Variants in APBA1 observed in about 807,000 individuals in gnomAD.
The protein encoded by APBA1 is amyloid beta precursor protein binding family A member 1.
In APBA1, 55 loss-of-function variants were observed where a neutral mutation model predicts 86.6. The ratio of observed to expected loss-of-function variants is 0.64; its 90% CI spans 0.51 to 0.80. The LOEUF (loss-of-function observed/expected upper bound fraction) is 0.80. Ranked by LOEUF, APBA1 falls within the 30% of genes least tolerant of loss-of-function variation. APBA1 has a pLI of 0.00. For synonymous variants in APBA1, 511 were observed against 493.9 expected (o/e 1.03, Z -0.46); for missense variants, 1,090 against 1,183.0 (o/e 0.92, Z 1.15).
At chr9:69,468,503 T>C (rs1051917371) in intron 4 of APBA1, among the ~76,000 whole-genome samples, 1 of 152,232 alleles carries the variant, frequency 6.6e-6, no homozygotes, top group African/African-American at 2.4e-5. Flanking sequence ...AAAAATAGGA[T>C]ATCTGTTTCA....
intron 2 of APBA1, among the ~76,000 whole-genome samples, chr9:69,497,221 T>G (rs960914520): frequency 1.3e-5 from 2 of 151,684 alleles, no homozygotes; most frequent in Admixed American, 1.3e-4. Context: ...GATGGAAAAC[T>G]CCCCCAGCAG....
chr9:69,527,118 T>G (rs948094429), intron 1 of APBA1, among the ~76,000 whole-genome samples: 9 of 152,062 alleles, frequency 5.9e-5, no homozygotes, highest in African/African-American at 2.2e-4. Flanking sequence ...GAAAAATTAC[T>G]GGGTACTATG....
At chr9:69,433,806 G>A (rs568478017) in intron 11 of APBA1, among the ~76,000 whole-genome samples, 2 of 144,668 alleles carry the variant, frequency 1.4e-5, no homozygotes, top group Admixed American at 7.0e-5. Flanking sequence ...AATTACCTAG[G>A]ACTTTTTTTT....
intron 1 of APBA1, among the ~76,000 whole-genome samples, chr9:69,628,458 C>T (rs1241039858): frequency 1.3e-5 from 2 of 152,126 alleles, no homozygotes; most frequent in Non-Finnish European, 2.9e-5. Context: ...TTTAAACTGC[C>T]CATCCTTAAA....
At position 69,510,662 on chromosome 9, in the gene APBA1, CT is replaced by C. The variant is rs1836020196; in HGVS notation, c.1200+5348del. ...AAGCTGGAGGCATCACGCTACCTGA[CT>C]TCAAACTATACTACAAGGCTACAGT... is the stretch of plus-strand genomic sequence containing the variant. On this transcript the variant is annotated intron_variant, in intron 2 of 12. Transcript: ENST00000265381. 2.1e-5 allele frequency among the ~76,000 whole-genome samples: 3 copies of C among 143,092 alleles called. 1 individual carries two copies. The highest frequency in any genetic ancestry group is 4.5e-5 in the Non-Finnish European group (3 of 66,944). The allele number at this position is 143,092 out of a possible 152,430, so 93.9% of individuals were successfully genotyped here. A position where few individuals can be genotyped will look rare whatever the true frequency, so the allele number is the denominator to read the frequency against.
intron 2 of APBA1, chr9:69,494,515 C>T (rs566438480): frequency 6.6e-6 from 1 of 152,260 alleles, no homozygotes; most frequent in Non-Finnish European, 1.5e-5. Context: ...CAATTAACTA[C>T]ACCAGTGTAA....
intron 1 of APBA1, among the ~76,000 whole-genome samples, chr9:69,658,830 A>T (rs995980411): frequency 3.3e-5 from 5 of 151,966 alleles, no homozygotes; most frequent in African/African-American, 1.2e-4. Context: ...TTATGTCCCC[A>T]CCCAACAGAC....
At chr9:69,436,886 C>T (rs1347457607) in intron 11 of APBA1, among the ~76,000 whole-genome samples, 1 of 151,686 alleles carries the variant, frequency 6.6e-6, no homozygotes, top group Non-Finnish European at 1.5e-5. Flanking sequence ...AGTTTTTGTC[C>T]ATTCGGTATG....
chr9:69,638,731 A>G (rs937180588), intron 1 of APBA1, among the ~76,000 whole-genome samples: 1 of 152,196 alleles, frequency 6.6e-6, no homozygotes, highest in African/African-American at 2.4e-5. Flanking sequence ...AAGACAAGAT[A>G]AAGTTGGTGT....
In APBA1 at chr9:69,536,217, A is replaced by G. The variant is rs1836507786; in HGVS notation, c.-69-18938T>C. 2.0e-5 allele frequency among the ~76,000 whole-genome samples: 3 copies of G among 152,024 alleles called. No individual in the cohort carries two copies. The South Asian group carries it at 6.2e-4, about 32-fold the overall frequency. ...GAACCTCCTCATAGATTATATCCTT[A>G]TGAGTGAGTACAGTTATTTATATGG... is the stretch of plus-strand genomic sequence containing the variant. On this transcript the variant is annotated intron_variant, in intron 1 of 12. Transcript: ENST00000265381.
intron 1 of APBA1, among the ~76,000 whole-genome samples, chr9:69,634,321 C>A (rs143207937): frequency 6.6e-6 from 1 of 152,248 alleles, no homozygotes; most frequent in East Asian, 1.9e-4. Flanking sequence ...TCAGGTGGCA[C>A]CCATGGAGGG....
intron 1 of APBA1, among the ~76,000 whole-genome samples, chr9:69,600,671 C>T (rs111567393): frequency 6.6e-6 from 1 of 151,854 alleles, no homozygotes; most frequent in African/African-American, 2.4e-5. Context: ...TGGAGGTACA[C>T]ACCTGTAATC....
intron 1 of APBA1, among the ~76,000 whole-genome samples, chr9:69,538,796 T>C (rs781442440): frequency 1.3e-5 from 2 of 152,198 alleles, no homozygotes; most frequent in Non-Finnish European, 2.9e-5. Flanking sequence ...ATCAGCAAGG[T>C]TATTAACCCT....
chr9:69,596,750 T>C lies in APBA1; in HGVS notation c.-70+75403A>G, dbSNP rs150620468. ...CTAAATATTGGGAATTCTATACATC[T>C]AGAAGCAGAGGGCAGATACTAAAGG... On this transcript the variant is annotated intron_variant, in intron 1 of 12. Transcript: ENST00000265381. 1.8e-4 allele frequency among the ~76,000 whole-genome samples: 28 copies of C among 152,348 alleles called. No individual in the cohort carries two copies. In the East Asian group the frequency reaches 5.2e-3, roughly 28 times the overall value.
At chr9:69,575,067 C>T (rs1821759252) in intron 1 of APBA1, among the ~76,000 whole-genome samples, 1 of 152,054 alleles carries the variant, frequency 6.6e-6, no homozygotes, top group Non-Finnish European at 1.5e-5. Context: ...CAGGTGTGCA[C>T]CACCTCTCCT....
In APBA1 at chr9:69,431,321, C is replaced by A. The variant is rs114377067; in HGVS notation, c.*6G>T. On this transcript the variant is annotated 3_prime_UTR_variant, in exon 13 of 13. Transcript: ENST00000265381. ...CCTCCATGCATGCCACCGCGTGTGGCCGCGGTCAGATGTAAACAGGCTGCT... is the reference window on the plus strand; with the variant it reads ...CCTCCATGCATGCCACCGCGTGTGGACGCGGTCAGATGTAAACAGGCTGCT... 63 of 1,597,754 alleles carry A rather than the reference C, an allele frequency of 3.9e-5. No individual in the cohort carries two copies. In the African/African-American group the frequency reaches 7.7e-4, roughly 19 times the overall value.
chr9:69,528,995 A>G (rs547298790), intron 1 of APBA1, among the ~76,000 whole-genome samples: 2 of 152,172 alleles, frequency 1.3e-5, no homozygotes, highest in East Asian at 3.9e-4. Context: ...GCTCATTAAA[A>G]GTCAGTTAAC....
chr9:69,453,370 C>A (rs957536184), intron 8 of APBA1, among the ~76,000 whole-genome samples: 1 of 152,164 alleles, frequency 6.6e-6, no homozygotes, highest in African/African-American at 2.4e-5. Flanking sequence ...CACAAAGGAA[C>A]CTCTCAAATT....
intron 1 of APBA1, among the ~76,000 whole-genome samples, chr9:69,625,763 T>C (rs10735558): frequency 0.97 from 148,436 of 152,242 alleles, 72,468 homozygotes; most frequent in East Asian, 1. Context: ...TGAAACATAT[T>C]CCAACGACTT....
Sources: allele counts gnomAD v4.1 joint callset (sites outside exome capture counted in the v4.1 genomes callset), GRCh38; gene constraint gnomAD v4.1.1; transcripts MANE v1.5; gene names NCBI Gene and HGNC (gene_info 2026-07-23, HGNC 2026-07-21).